Variants in TJP1 observed in about 807,000 individuals in gnomAD.
The protein encoded by TJP1 is tight junction protein ZO-1.
TJP1 carries 43 observed loss-of-function variants against 194.2 expected under a neutral mutation model. That is an observed-to-expected ratio of 0.22 (90% CI 0.17 to 0.29). The LOEUF (loss-of-function observed/expected upper bound fraction) is 0.29, where lower values mean the gene tolerates loss of function less well. Among genes scored for constraint, TJP1 ranks in the 10% least tolerant of loss-of-function variants. The pLI is 1.00. For synonymous variants in TJP1, 801 were observed against 779.0 expected, an observed-to-expected ratio of 1.03 and a Z score of -0.47; for missense variants, 1,971 against 2,185.7, an observed-to-expected ratio of 0.90 and a Z score of 1.96.
intron 13 of TJP1, 51 bp downstream of exon 13, chr15:29,733,043 C>A (rs767298763): frequency 6.5e-7 from 1 of 1,543,088 alleles, no homozygotes; most frequent in Admixed American, 1.7e-5. Context: ...TTGAAATGAT[C>A]TATCATCATT....
Position 29,732,391 on chromosome 15 carries a change from G to A in TJP1, c.2017+42C>T, listed in dbSNP as rs745511582. ...ATCAGAACTCACTCACTTTAGAGGT[G>A]TAACTCCCAACCTCATTTAAGTTAG... On this transcript the variant is annotated intron_variant, in intron 15 of 27. Coordinates refer to ENST00000614355, the MANE Select transcript of TJP1 (RefSeq NM_001330239.4). The A allele has an allele frequency of 9.8e-6, 15 of 1,538,412 alleles. No homozygotes were observed. The Admixed American group carries it at 1.5e-4, about 16-fold the overall frequency.
chr15:29,835,249 G>A (rs551107741), intron 2 of TJP1, among the ~76,000 whole-genome samples: 1 of 152,254 alleles, frequency 6.6e-6, no homozygotes, highest in African/African-American at 2.4e-5. Flanking sequence ...TCCATGAAAA[G>A]CTCTAATTTT....
intron 3 of TJP1, among the ~76,000 whole-genome samples, chr15:29,772,997 G>A (rs1469470732): frequency 6.6e-6 from 1 of 151,940 alleles, no homozygotes; most frequent in Non-Finnish European, 1.5e-5. Context: ...CAAACTCCTG[G>A]TCTCAAGTGA....
chr15:29,911,017 T>C (rs1028102340), intron 2 of TJP1, among the ~76,000 whole-genome samples: 16 of 152,356 alleles, frequency 1.1e-4, no homozygotes, highest in Admixed American at 3.9e-4. Flanking sequence ...TTCAGACCAC[T>C]GGAGGCAGTA....
intron 2 of TJP1, among the ~76,000 whole-genome samples, chr15:29,830,279 T>A (rs1887228467): frequency 1.3e-5 from 2 of 151,280 alleles, no homozygotes; most frequent in South Asian, 4.2e-4. Flanking sequence ...TTCATTAGCA[T>A]GTCATCTAAT....
At chr15:29,809,953 T>C (rs981396574) in intron 1 of TJP1, among the ~76,000 whole-genome samples, 2 of 152,224 alleles carry the variant, frequency 1.3e-5, no homozygotes, top group Non-Finnish European at 2.9e-5. Context: ...CTTTTAGAGA[T>C]ATATATTCAG....
At chr15:29,852,988 C>A (rs1485706122) in intron 2 of TJP1, among the ~76,000 whole-genome samples, 2 of 151,934 alleles carry the variant, frequency 1.3e-5, no homozygotes, top group Non-Finnish European at 2.9e-5. Context: ...TATCCCCAAA[C>A]TGGAATCAGC....
intron 2 of TJP1, among the ~76,000 whole-genome samples, chr15:29,832,927 G>T (rs2050883649): frequency 6.6e-6 from 1 of 152,174 alleles, no homozygotes; most frequent in African/African-American, 2.4e-5. Flanking sequence ...ACACATCCCT[G>T]TGAGAGGCCG....
Position 29,742,747 on chromosome 15 carries a change from G to T in TJP1, c.1045C>A (p.Pro349Thr). The T allele has an allele frequency of 1.2e-6, 2 of 1,604,438 alleles. No individual in the cohort carries two copies. Among genetic ancestry groups the T allele is most frequent in the South Asian group, 1.1e-5 (1 of 89,012 alleles). ...TTTACAGGAGTTGAGACAGCCCCAGGTTTAGAAATTCTCTCTTCATCTCTA... is the reference window on the plus strand; with the variant it reads ...TTTACAGGAGTTGAGACAGCCCCAGTTTTAGAAATTCTCTCTTCATCTCTA... Reference protein sequence around the residue: ...RSRDEERISKPGAVSTPVKHA... With the variant: ...RSRDEERISKTGAVSTPVKHA... The change falls in exon 9 of 28, where the codon CCT becomes ACT. Residue 349 changes from proline (P) to threonine (T), a missense_variant. By Grantham distance (38) the Pro-to-Thr change is conservative (BLOSUM62 -1). Around this residue, in one of 5 missense-constraint regions of TJP1, gnomAD observed 192 missense variants for 182.3 expected, o/e 1.05. Transcript: ENST00000614355.
chr15:29,700,580 TA>T lies in TJP1; in HGVS notation c.*1014del. 2.5e-6 allele frequency: 1 copy of T among 397,062 alleles called. No individual in the cohort carries two copies. Among genetic ancestry groups the T allele is most frequent in the Admixed American group, 4.4e-5 (1 of 22,688 alleles). 24.6% of individuals were successfully genotyped at this position (397,062 alleles called of 1,614,324 possible). ...TTAGAAACGTGGTCTTGTTTATGTA[TA>T]AAAAAGGTAAAGTTTATAAAAGTTA... is the stretch of plus-strand genomic sequence containing the variant. On this transcript the variant is annotated 3_prime_UTR_variant, in exon 28 of 28. Coordinates refer to ENST00000614355, the MANE Select transcript of TJP1 (RefSeq NM_001330239.4).
At chr15:29,709,395 C>CTATTT (rs1282170461) in intron 24 of TJP1, among the ~76,000 whole-genome samples, 5 of 152,266 alleles carry the variant, frequency 3.3e-5, no homozygotes, top group Non-Finnish European at 2.9e-5. Flanking sequence ...GCATTAAATA[C>CTATTT]TATTTCACAC....
chr15:29,889,568 C>T (rs1284721007), intron 2 of TJP1, among the ~76,000 whole-genome samples: 1 of 152,234 alleles, frequency 6.6e-6, no homozygotes, highest in Non-Finnish European at 1.5e-5. Flanking sequence ...CTTTTGAACA[C>T]CAGTAACTAC....
upstream of TJP1, chr15:29,823,412 T>TA (rs973437641): frequency 2.0e-5 from 3 of 152,212 alleles, no homozygotes; most frequent in African/African-American, 7.2e-5. Context: ...CTTGTAAATG[T>TA]AAAGGTCTTC....
chr15:29,847,385 T>C (rs1373630724), intron 2 of TJP1, among the ~76,000 whole-genome samples: 2 of 152,224 alleles, frequency 1.3e-5, no homozygotes, highest in African/African-American at 4.8e-5. Flanking sequence ...ATTTCTGCTC[T>C]TTATTATTCC....
At chr15:29,734,238 C>T in intron 12 of TJP1, 36 bp downstream of exon 12, 3 of 1,430,552 alleles carry the variant, frequency 2.1e-6, no homozygotes, top group Non-Finnish European at 2.9e-6. Flanking sequence ...TCAAACTCTA[C>T]AGGTTTATCT....
At chr15:29,962,014 G>T (rs766295327) in intron 1 of TJP1, among the ~76,000 whole-genome samples, 1 of 152,174 alleles carries the variant, frequency 6.6e-6, no homozygotes, top group Non-Finnish European at 1.5e-5. Context: ...CACCCATTAT[G>T]TCACACCTAC....
rs180850389 is a variant in TJP1, at chr15:29,718,927, C to T, written c.3215G>A (p.Arg1072Gln). The T allele has an allele frequency of 4.6e-4, 737 of 1,614,096 alleles. 7 individuals are homozygous for T. The Admixed American group carries it at 0.011, about 25-fold the overall frequency. Residue 1072 changes from arginine to glutamine, a missense_variant, in exon 21 of 28, where the codon CGA becomes CAA. Coordinates refer to ENST00000614355, the MANE Select transcript of TJP1 (RefSeq NM_001330239.4). ...ESSSYTDQFS[R>Q]NYEHRLRYED... is the part of the protein sequence containing the mutation. ...GTATCGCAGACGATGTTCATAGTTT[C>T]GAGAAAACTGGTCCGTATAGCTTGA...
intron 8 of TJP1, among the ~76,000 whole-genome samples, chr15:29,757,668 C>T (rs1283583264): frequency 6.6e-6 from 1 of 152,094 alleles, no homozygotes; most frequent in South Asian, 2.1e-4. Flanking sequence ...TAAATTCTCA[C>T]CACAAAAAAT....
chr15:29,832,916 C>T (rs1304709103), intron 2 of TJP1, among the ~76,000 whole-genome samples: 1 of 152,304 alleles, frequency 6.6e-6, no homozygotes, highest in East Asian at 1.9e-4. Context: ...GTGGAGAGAA[C>T]ACACATCCCT....
Sources: gnomAD v4.1 joint callset for allele counts (sites outside exome capture counted in the v4.1 genomes callset) on GRCh38, gnomAD v4.1.1 for gene constraint, gnomAD v4.1.1 regional missense constraint, MANE v1.5 for transcripts, NCBI Gene and HGNC (gene_info 2026-07-23, HGNC 2026-07-21) for gene names.